PTPRS: variants seen among roughly 807,000 people sequenced by gnomAD.
PTPRS encodes the protein protein tyrosine phosphatase receptor type S, also known as receptor-type tyrosine-protein phosphatase S.
A neutral mutation model predicts 215.3 loss-of-function variants in PTPRS; 63 were observed. That is an observed-to-expected ratio of 0.29 (90% CI 0.24 to 0.36). PTPRS has a LOEUF of 0.36. Among genes scored for constraint, PTPRS ranks in the 10% least tolerant of loss-of-function variants. PTPRS has a pLI of 1.00. For missense variants in PTPRS, 2,258 were observed against 2,825.8 expected (o/e 0.80, Z 4.56); for synonymous variants, 1,404 against 1,191.4 (o/e 1.18, Z -3.68).
Position 5,331,996 on chromosome 19 carries a change from G to C in PTPRS, c.-95+8668C>G, listed in dbSNP as rs536167954. 2.6e-5 allele frequency among the ~76,000 whole-genome samples: 4 copies of C among 152,256 alleles called. No individual in the cohort carries two copies. The East Asian group carries it at 7.7e-4, about 29-fold the overall frequency. Reference sequence around the variant, plus strand: ...TTCACAGGCCTGGAAACTGAGGCCCGCGGACGGCAATGGAGGTGTCAGAAG... The same window carrying C: ...TTCACAGGCCTGGAAACTGAGGCCCCCGGACGGCAATGGAGGTGTCAGAAG... On this transcript the variant is annotated intron_variant, in intron 1 of 37. Coordinates refer to ENST00000262963, the MANE Select transcript of PTPRS (RefSeq NM_002850.4).
At chr19:5,326,782 G>GA (rs1371488372) in intron 1 of PTPRS, among the ~76,000 whole-genome samples, 1 of 64,632 alleles carries the variant, frequency 1.5e-5, no homozygotes, top group East Asian at 2.4e-4. Flanking sequence ...GGGAAGAGAA[G>GA]GAAGGAAGGA....
intron 33 of PTPRS, 56 bp downstream of exon 33, chr19:5,211,534 G>C (rs968440753): frequency 6.5e-7 from 1 of 1,549,580 alleles, no homozygotes; most frequent in South Asian, 1.2e-5. Flanking sequence ...GAGGCCTCTT[G>C]AGAGTAGAGA....
rs2042200058 is a variant in PTPRS at position 5,223,521 on chromosome 19, G to A, written c.2495-224C>T. Among the ~76,000 whole-genome samples the A allele has an allele frequency of 4.0e-5, 6 of 151,456 alleles. No homozygotes were observed. In the South Asian group the frequency reaches 1.0e-3, roughly 26 times the overall value. On this transcript the variant is annotated intron_variant, in intron 17 of 37. Transcript: ENST00000262963. Reference sequence around the variant, plus strand: ...GCTTCCTGCCTCGGCCTCCCAAAGTGCTAGGATTATAAGGCCACTGCACCC... The same window carrying A: ...GCTTCCTGCCTCGGCCTCCCAAAGTACTAGGATTATAAGGCCACTGCACCC...
chr19:5,310,741 T>C (rs1600097103), intron 1 of PTPRS, among the ~76,000 whole-genome samples: 1 of 152,106 alleles, frequency 6.6e-6, no homozygotes, highest in African/African-American at 2.4e-5. Context: ...GGTCTCACTC[T>C]GTCACCCAGG....
intron 23 of PTPRS, 83 bp from the exon 24 acceptor site, chr19:5,218,881 G>C (rs2041729402): frequency 7.3e-7 from 1 of 1,362,928 alleles, no homozygotes. Context: ...GGCTTGTTCT[G>C]TGACTCTCAG....
At chr19:5,208,196 C>T (rs376871248) in intron 36 of PTPRS, 41 bp downstream of exon 36, 1 of 1,562,118 alleles carries the variant, frequency 6.4e-7, no homozygotes, top group African/African-American at 1.4e-5. Flanking sequence ...GCCTCAGTTT[C>T]CCCAGCAGGG....
At chr19:5,336,116 T>G (rs2050491168) in intron 1 of PTPRS, among the ~76,000 whole-genome samples, 1 of 151,606 alleles carries the variant, frequency 6.6e-6, no homozygotes, top group Non-Finnish European at 1.5e-5. Context: ...TGGAGAAGTG[T>G]AAGCCAATTG....
chr19:5,247,394 G>T (rs1257271810), intron 9 of PTPRS, among the ~76,000 whole-genome samples: 1 of 152,080 alleles, frequency 6.6e-6, no homozygotes, highest in Non-Finnish European at 1.5e-5. Flanking sequence ...GGGGGAAGGG[G>T]AGGAGGCCAG....
chr19:5,234,259 C>CAAT (rs1312389920), intron 13 of PTPRS, among the ~76,000 whole-genome samples: 1 of 152,176 alleles, frequency 6.6e-6, no homozygotes, highest in Non-Finnish European at 1.5e-5. Context: ...TAGGACCATC[C>CAAT]AATTGGCCTC....
chr19:5,312,019 G>T (rs539792714), intron 1 of PTPRS, among the ~76,000 whole-genome samples: 73 of 151,658 alleles, frequency 4.8e-4, no homozygotes, highest in Non-Finnish European at 6.9e-4. Flanking sequence ...TCCAGCCTGG[G>T]AGACACAGCG....
rs756013055 is a variant in PTPRS, at chr19:5,222,719, CG to C, written c.3072del (p.Val1025SerfsTer18). On this transcript the variant is annotated frameshift_variant, in exon 18 of 38. Coordinates refer to ENST00000262963, the MANE Select transcript of PTPRS (RefSeq NM_002850.4). LOFTEE classifies it high-confidence loss of function. The part of the protein sequence containing the change: ...TRRGPGPFSP[P>X]VRYRTFLRDQ... Reference sequence around the variant, plus strand: ...TCCCGCAGGAACGTCCGGTAGCGGACGGGGGGGCTGAAGGGGCCAGGGCCCC... The same window carrying C: ...TCCCGCAGGAACGTCCGGTAGCGGACGGGGGGCTGAAGGGGCCAGGGCCCC... 4 of 1,593,814 alleles carry C rather than the reference CG, an allele frequency of 2.5e-6. No homozygotes were observed. Among genetic ancestry groups the C allele is most frequent in the East Asian group, 2.2e-5 (1 of 44,500 alleles).
In PTPRS at chr19:5,338,604, C is replaced by A. The variant is rs912313997; in HGVS notation, c.-95+2060G>T. Among the ~76,000 whole-genome samples, 1 of 152,074 alleles carries A rather than the reference C, an allele frequency of 6.6e-6. No individual in the cohort carries two copies. The highest frequency in any genetic ancestry group is 2.4e-5 in the African/African-American group (1 of 41,370). On this transcript the variant is annotated intron_variant, in intron 1 of 37. Coordinates refer to ENST00000262963, the MANE Select transcript of PTPRS (RefSeq NM_002850.4). The surrounding 1 kb of genome is among the most constrained non-coding windows in gnomAD (Gnocchi z 4.2). ...GAGGGCGGGAAGCAGCCGCCCCCAGCCCCAGCTGCCTGCCTTCCACCGCCA... is the reference window on the plus strand; with the variant it reads ...GAGGGCGGGAAGCAGCCGCCCCCAGACCCAGCTGCCTGCCTTCCACCGCCA...
intron 1 of PTPRS, among the ~76,000 whole-genome samples, chr19:5,304,778 G>A (rs1489193142): frequency 2.6e-5 from 4 of 152,182 alleles, no homozygotes; most frequent in Non-Finnish European, 5.9e-5. Flanking sequence ...GGAGGTTGGG[G>A]AGTGGGAAGG....
rs1041067736 is a variant in PTPRS, at chr19:5,287,478, T to G, written c.-94-1244A>C. ...CCCTCCCCATCTCCCCAATCTCCAC[T>G]CTGTCCAGAGCCAGGTCAGAGGGCC... On this transcript the variant is annotated intron_variant, in intron 1 of 37. Transcript: ENST00000262963. The surrounding 1 kb of genome is among the most constrained non-coding windows in gnomAD (Gnocchi z 4.8). Among the ~76,000 whole-genome samples, 1 of 152,106 alleles carries G rather than the reference T, an allele frequency of 6.6e-6. No individual in the cohort carries two copies. Among genetic ancestry groups the G allele is most frequent in the African/African-American group, 2.4e-5 (1 of 41,498 alleles).
chr19:5,226,012 A>G (rs1438615544), intron 16 of PTPRS, among the ~76,000 whole-genome samples, 168 bp from the exon 17 acceptor site: 2 of 151,926 alleles, frequency 1.3e-5, no homozygotes, highest in African/African-American at 4.8e-5. Flanking sequence ...GGCCATGCTC[A>G]GAGGGTACAT....
chr19:5,319,441 T>C (rs2049967508), intron 1 of PTPRS, among the ~76,000 whole-genome samples: 1 of 144,280 alleles, frequency 6.9e-6, no homozygotes, highest in Non-Finnish European at 1.5e-5. Flanking sequence ...TTTAAAAAGC[T>C]ATCCCAAATC....
intron 26 of PTPRS, 122 bp downstream of exon 26, chr19:5,216,598 G>T: frequency 1.2e-6 from 1 of 857,698 alleles, no homozygotes; most frequent in Non-Finnish European, 1.9e-6. Flanking sequence ...CACAAGACAG[G>T]TGGGCAAAGG....
chr19:5,278,050 A>C, intron 2 of PTPRS: 1 of 1,148,640 alleles, frequency 8.7e-7, no homozygotes, highest in Non-Finnish European at 1.3e-6. Context: ...TCCTCCAAGA[A>C]ACGCAAAACC....
intron 1 of PTPRS, among the ~76,000 whole-genome samples, chr19:5,302,901 CAAAAAA>C (rs61244607): frequency 1.8e-5 from 2 of 112,576 alleles, no homozygotes; most frequent in African/African-American, 3.2e-5. Context: ...ACTAAAAATA[CAAAAAA>C]AAAAAAAAAA....
Sources: gnomAD v4.1 joint callset for allele counts (sites outside exome capture counted in the v4.1 genomes callset) on GRCh38, gnomAD v4.1.1 for gene constraint, Gnocchi (gnomAD v3.1) non-coding constraint, MANE v1.5 for transcripts, NCBI Gene and HGNC (gene_info 2026-07-23, HGNC 2026-07-21) for gene names.